The following PCDH9 variants were observed in gnomAD, a reference collection of about 807,000 sequenced individuals.
PCDH9 encodes the protein protocadherin 9.
A neutral mutation model predicts 70.6 loss-of-function variants in PCDH9; 24 were observed. The observed-to-expected ratio is 0.34, with a 90% CI of 0.25 to 0.48. The LOEUF is 0.48. Ranked by LOEUF, PCDH9 falls within the 20% of genes least tolerant of loss-of-function variation. PCDH9 has a pLI of 0.99. For missense variants in PCDH9, 1,281 were observed against 1,503.6 expected (o/e 0.85, Z 2.45); for synonymous variants, 562 against 558.5 (o/e 1.01, Z -0.09).
intron 4 of PCDH9, among the ~76,000 whole-genome samples, chr13:66,551,736 AT>A (rs1266417993): frequency 6.6e-6 from 1 of 152,152 alleles, no homozygotes; most frequent in African/African-American, 2.4e-5. Flanking sequence ...ATCAGTGTAC[AT>A]TTGTAAATTA....
intron 2 of PCDH9, chr13:67,221,817 TA>T (rs1244386942): frequency 6.6e-6 from 1 of 152,058 alleles, no homozygotes; most frequent in African/African-American, 2.4e-5. Flanking sequence ...CAGCTGTCAA[TA>T]AGTGGGCTGA....
At chr13:66,733,394 C>T (rs556031990) in intron 3 of PCDH9, among the ~76,000 whole-genome samples, 2 of 152,208 alleles carry the variant, frequency 1.3e-5, no homozygotes, top group South Asian at 4.1e-4. Context: ...ATTTAGATCA[C>T]CTTCCTCCAC....
intron 2 of PCDH9, among the ~76,000 whole-genome samples, chr13:67,000,097 G>C (rs1216421499): frequency 6.6e-6 from 1 of 152,050 alleles, no homozygotes; most frequent in African/African-American, 2.4e-5. Flanking sequence ...GTCCAACAAT[G>C]ATAGGCTGGA....
chr13:66,514,908 C>G (rs1381295104), intron 4 of PCDH9, among the ~76,000 whole-genome samples: 2 of 152,074 alleles, frequency 1.3e-5, no homozygotes, highest in Non-Finnish European at 2.9e-5. Flanking sequence ...CCATTTCATA[C>G]AGAGACATTT....
In PCDH9 at chr13:66,999,025, A is replaced by C. The variant is rs542995570; in HGVS notation, c.3037-95420T>G. On this transcript the variant is annotated intron_variant, in intron 2 of 4. Coordinates refer to ENST00000377865, the MANE Select transcript of PCDH9 (RefSeq NM_203487.3). ...ATGCTCAGAGTCCTTTGCCATCAAAATCAACCTTCTGTCCATCCTGTAATA... is the reference window on the plus strand; with the variant it reads ...ATGCTCAGAGTCCTTTGCCATCAAACTCAACCTTCTGTCCATCCTGTAATA... Among the ~76,000 whole-genome samples, 14 of 152,354 alleles carry C rather than the reference A, an allele frequency of 9.2e-5. No individual in the cohort carries two copies. The East Asian group carries it at 2.7e-3, about 29-fold the overall frequency.
At chr13:66,994,390 C>CCCA (rs1566348865) in intron 2 of PCDH9, among the ~76,000 whole-genome samples, 1 of 152,162 alleles carries the variant, frequency 6.6e-6, no homozygotes. Flanking sequence ...CTCTAGCGTG[C>CCCA]CCTACTGGCC....
intron 3 of PCDH9, among the ~76,000 whole-genome samples, chr13:66,728,663 C>T (rs75846664): frequency 1.2e-3 from 189 of 152,098 alleles, no homozygotes; most frequent in Non-Finnish European, 2.1e-3. Flanking sequence ...ACTAAGAATG[C>T]CTTCAAATAA....
chr13:67,051,202 T>C (rs563344480), intron 2 of PCDH9, among the ~76,000 whole-genome samples: 1 of 152,166 alleles, frequency 6.6e-6, no homozygotes, highest in South Asian at 2.1e-4. Context: ...GGTTAAGCCA[T>C]ATTTTACTCC....
intron 4 of PCDH9, among the ~76,000 whole-genome samples, chr13:66,379,200 C>T (rs1184787343): frequency 1.3e-5 from 2 of 152,204 alleles, no homozygotes; most frequent in Non-Finnish European, 2.9e-5. Flanking sequence ...CTCCGGCCAT[C>T]TGTCCTACCA....
At chr13:66,953,662 T>C (rs1029513259) in intron 2 of PCDH9, among the ~76,000 whole-genome samples, 3 of 152,188 alleles carry the variant, frequency 2.0e-5, no homozygotes, top group Non-Finnish European at 4.4e-5. Context: ...GTGGGTGGTT[T>C]TATGTTAAGT....
intron 4 of PCDH9, among the ~76,000 whole-genome samples, chr13:66,595,260 T>C (rs2077088904): frequency 6.6e-6 from 1 of 151,642 alleles, no homozygotes; most frequent in Non-Finnish European, 1.5e-5. Flanking sequence ...CTTGCTCCAA[T>C]TTGCAAACCT....
intron 2 of PCDH9, among the ~76,000 whole-genome samples, chr13:67,111,282 A>C (rs2086653737): frequency 6.6e-6 from 1 of 152,226 alleles, no homozygotes; most frequent in Admixed American, 6.5e-5. Context: ...TGTACGATTA[A>C]TATATAGTCG....
At chr13:66,432,582 G>T (rs542699003) in intron 4 of PCDH9, among the ~76,000 whole-genome samples, 1 of 151,956 alleles carries the variant, frequency 6.6e-6, no homozygotes, top group East Asian at 1.9e-4. Flanking sequence ...TATGTACCAG[G>T]CTGTAGCAGA....
chr13:66,864,134 G>A (rs1566249777), intron 3 of PCDH9, among the ~76,000 whole-genome samples: 1 of 152,018 alleles, frequency 6.6e-6, no homozygotes, highest in Non-Finnish European at 1.5e-5. Context: ...GGAATTATGG[G>A]AACTACAATT....
At chr13:66,815,550 A>G (rs1278592833) in intron 3 of PCDH9, among the ~76,000 whole-genome samples, 1 of 152,222 alleles carries the variant, frequency 6.6e-6, no homozygotes, top group Non-Finnish European at 1.5e-5. Flanking sequence ...GACTGAGTAA[A>G]GAAAATGTGG....
At chr13:66,639,899 C>T (rs912706316) in intron 3 of PCDH9, among the ~76,000 whole-genome samples, 1 of 151,964 alleles carries the variant, frequency 6.6e-6, no homozygotes, top group African/African-American at 2.4e-5. Context: ...TCTGAGCACA[C>T]GAAATATAAA....
chr13:66,879,588 A>G (rs1175190038), intron 3 of PCDH9, among the ~76,000 whole-genome samples: 1 of 152,190 alleles, frequency 6.6e-6, no homozygotes, highest in Non-Finnish European at 1.5e-5. Flanking sequence ...ATCAAATAGC[A>G]ATTTAGGATT....
At chr13:67,158,943 T>C (rs1359356881) in intron 2 of PCDH9, among the ~76,000 whole-genome samples, 1 of 152,206 alleles carries the variant, frequency 6.6e-6, no homozygotes, top group Non-Finnish European at 1.5e-5. Flanking sequence ...ACAGTCTCCC[T>C]GTAGACTAAA....
At chr13:66,936,595 C>G (rs1185005481) in intron 2 of PCDH9, among the ~76,000 whole-genome samples, 1 of 152,090 alleles carries the variant, frequency 6.6e-6, no homozygotes, top group African/African-American at 2.4e-5. Flanking sequence ...GAAACAAAAT[C>G]TCTTTACATA....
Sources: allele counts gnomAD v4.1 joint callset (sites outside exome capture counted in the v4.1 genomes callset), GRCh38; gene constraint gnomAD v4.1.1; transcripts MANE v1.5; gene names NCBI Gene and HGNC (gene_info 2026-07-23, HGNC 2026-07-21).